TACR3: variants seen among roughly 807,000 people sequenced by gnomAD.
The protein encoded by TACR3 is neuromedin-K receptor.
In TACR3, 34 loss-of-function variants were observed where a neutral mutation model predicts 35.0. That is an observed-to-expected ratio of 0.97 (90% CI 0.74 to 1.30). The LOEUF (loss-of-function observed/expected upper bound fraction) is 1.30. Ranked by LOEUF, TACR3 falls within the 50% of genes most tolerant of loss-of-function variation. The pLI is 0.00. For missense variants in TACR3, 558 were observed against 591.7 expected (o/e 0.94, Z 0.59); for synonymous variants, 233 against 221.1 (o/e 1.05, Z -0.48).
intron 1 of TACR3, among the ~76,000 whole-genome samples, chr4:103,694,776 A>G: frequency 6.6e-6 from 1 of 152,190 alleles, no homozygotes; most frequent in East Asian, 1.9e-4. Flanking sequence ...TGCTATATAA[A>G]TATCATAAAA....
At chr4:103,659,097 G>A (rs1387459389) in intron 1 of TACR3, among the ~76,000 whole-genome samples, 1 of 152,148 alleles carries the variant, frequency 6.6e-6, no homozygotes, top group East Asian at 1.9e-4. Context: ...AGGAGGCGGA[G>A]CTCAGGCAGT....
intron 3 of TACR3, among the ~76,000 whole-genome samples, chr4:103,608,048 A>G (rs2110295708): frequency 6.6e-6 from 1 of 152,208 alleles, no homozygotes; most frequent in Non-Finnish European, 1.5e-5. Context: ...TGTGAATGAA[A>G]TATTATTGGA....
chr4:103,711,844 C>A lies in TACR3; in HGVS notation c.548+7284G>T, dbSNP rs1342407635. 2.0e-5 allele frequency among the ~76,000 whole-genome samples: 3 copies of A among 152,094 alleles called. No individual in the cohort carries two copies. In the East Asian group the frequency reaches 5.8e-4, roughly 29 times the overall value. ...CAAAAATCACAAGCATACTTATACACCAATAACAGACAAACAGAGAGCCAA... is the reference window on the plus strand; with the variant it reads ...CAAAAATCACAAGCATACTTATACAACAATAACAGACAAACAGAGAGCCAA... On this transcript the variant is annotated intron_variant, in intron 1 of 4. Coordinates refer to ENST00000304883, the MANE Select transcript of TACR3 (RefSeq NM_001059.3).
chr4:103,625,173 A>T (rs78612113), intron 3 of TACR3, among the ~76,000 whole-genome samples: 86 of 152,330 alleles, frequency 5.6e-4, no homozygotes, highest in Non-Finnish European at 9.0e-4. Flanking sequence ...TGAAAAAATT[A>T]AAAAAGTTAT....
In TACR3 at chr4:103,646,987, C is replaced by G. The variant is rs141665462; in HGVS notation, c.888+9207G>C. 1.8e-3 allele frequency among the ~76,000 whole-genome samples: 274 copies of G among 151,960 alleles called. 1 individual carries two copies. Among genetic ancestry groups the G allele is most frequent in the African/African-American group, 6.4e-3 (265 of 41,498 alleles). ...TTACCAAATATCCTAAATATGAAATCTGTTAGCCCCTCTACTCATTTCCTC... is the reference window on the plus strand; with the variant it reads ...TTACCAAATATCCTAAATATGAAATGTGTTAGCCCCTCTACTCATTTCCTC... On this transcript the variant is annotated intron_variant, in intron 3 of 4. Coordinates refer to ENST00000304883, the MANE Select transcript of TACR3 (RefSeq NM_001059.3).
At chr4:103,706,828 T>G (rs1350960644) in intron 1 of TACR3, among the ~76,000 whole-genome samples, 1 of 152,192 alleles carries the variant, frequency 6.6e-6, no homozygotes, top group African/African-American at 2.4e-5. Flanking sequence ...GATCAGCAAC[T>G]GGGGACTGGG....
chr4:103,617,460 C>T (rs1012984783), intron 3 of TACR3, among the ~76,000 whole-genome samples: 1 of 152,068 alleles, frequency 6.6e-6, no homozygotes, highest in Non-Finnish European at 1.5e-5. Context: ...AAGACTATAG[C>T]TCTAGAATAA....
intron 1 of TACR3, among the ~76,000 whole-genome samples, chr4:103,701,936 C>G (rs1042112938): frequency 1.3e-5 from 2 of 152,096 alleles, no homozygotes; most frequent in Non-Finnish European, 2.9e-5. Flanking sequence ...AGACCTAAAA[C>G]CATAAAAATC....
chr4:103,689,272 G>T (rs1722342670), intron 1 of TACR3, among the ~76,000 whole-genome samples: 1 of 109,778 alleles, frequency 9.1e-6, no homozygotes, highest in Non-Finnish European at 1.8e-5. Flanking sequence ...AGGGGGGCGG[G>T]ATAGCATTGG....
chr4:103,656,308 G>A lies in TACR3; in HGVS notation c.774C>T (p.Phe258=), dbSNP rs1725733817. ...ATGTAATACCCATGATGAGCAATGG[G>A]AAACAGTACACCAGTATAATGACGA... ...HIIVIILVYC[F]PLLIMGITYT... The change falls in exon 3 of 5, where the codon TTC becomes TTT. Residue 258 remains phenylalanine (F), a synonymous_variant. Coordinates refer to ENST00000304883, the MANE Select transcript of TACR3 (RefSeq NM_001059.3). The A allele has an allele frequency of 2.5e-6, 4 of 1,612,690 alleles. No homozygotes were observed. The highest frequency in any genetic ancestry group is 3.4e-6 in the Non-Finnish European group (4 of 1,179,108).
At chr4:103,621,376 G>A (rs145577244) in intron 3 of TACR3, among the ~76,000 whole-genome samples, 350 of 152,286 alleles carry the variant, frequency 2.3e-3, no homozygotes, top group African/African-American at 7.6e-3. Flanking sequence ...GGGCCAATAT[G>A]TGTTTACAGG....
At position 103,586,605 on chromosome 4, in the gene TACR3, T is replaced by A. The variant is rs1723775838; in HGVS notation, c.*3077A>T. 1 of 152,078 alleles carries A rather than the reference T, an allele frequency of 6.6e-6. No homozygotes were observed. Among genetic ancestry groups the A allele is most frequent in the Non-Finnish European group, 1.5e-5 (1 of 68,000 alleles). 9.4% of individuals were successfully genotyped at this position (152,078 alleles called of 1,614,324 possible). A position where few individuals can be genotyped will look rare whatever the true frequency, so the allele number is the denominator to read the frequency against. On this transcript the variant is annotated 3_prime_UTR_variant, in exon 5 of 5. Transcript: ENST00000304883. ...TTCTTGGTATTCTTTATGTGCTTTG[T>A]AAGGGCGGGGTTCACTCTGAAATTG...
At position 103,719,314 on chromosome 4, in the gene TACR3, T is replaced by C. The variant is rs765333279; in HGVS notation, c.362A>G (p.Asn121Ser). The C allele has an allele frequency of 6.2e-6, 10 of 1,614,078 alleles. No individual in the cohort carries two copies. Among genetic ancestry groups the C allele is most frequent in the African/African-American group, 1.3e-5 (1 of 74,926 alleles). ...GAAAGCCAGGTTCACAAGGAAGTAG[T>C]TGGTGACAGTCCTCATGCGCTTGTG... The part of the protein sequence containing the change: ...LAHKRMRTVT[N>S]YFLVNLAFSD... Residue 121 changes from asparagine to serine, a missense_variant, in exon 1 of 5, where the codon AAC becomes AGC. Physicochemically the swap from Asn to Ser is conservative, Grantham distance 46 (BLOSUM62 1). Coordinates refer to ENST00000304883, the MANE Select transcript of TACR3 (RefSeq NM_001059.3).
intron 1 of TACR3, among the ~76,000 whole-genome samples, chr4:103,708,866 C>T (rs909055384): frequency 5.9e-5 from 9 of 152,136 alleles, no homozygotes; most frequent in Non-Finnish European, 1.2e-4. Context: ...AATGCACAAG[C>T]TTCAGTAGCC....
intron 3 of TACR3, among the ~76,000 whole-genome samples, chr4:103,606,461 G>C (rs1172061639): frequency 2.0e-5 from 3 of 152,162 alleles, no homozygotes; most frequent in Non-Finnish European, 4.4e-5. Flanking sequence ...CCATGAGCAT[G>C]GACTGTTCTT....
intron 3 of TACR3, among the ~76,000 whole-genome samples, chr4:103,606,575 T>C (rs1211517671): frequency 5.9e-5 from 9 of 152,232 alleles, no homozygotes; most frequent in South Asian, 4.1e-4. Flanking sequence ...GTATTTTATT[T>C]TCTTTGAAGC....
intron 3 of TACR3, among the ~76,000 whole-genome samples, chr4:103,636,780 T>C (rs538892533): frequency 1.3e-5 from 2 of 152,066 alleles, no homozygotes; most frequent in Admixed American, 6.6e-5. Flanking sequence ...CACAGAAATA[T>C]AAACTACCAT....
chr4:103,678,568 C>A (rs1726222917), intron 1 of TACR3, among the ~76,000 whole-genome samples: 1 of 152,082 alleles, frequency 6.6e-6, no homozygotes, highest in Non-Finnish European at 1.5e-5. Context: ...AAATCACCTC[C>A]ATTCATTTAT....
chr4:103,606,736 T>G (rs1005199883), intron 3 of TACR3, among the ~76,000 whole-genome samples: 6 of 151,950 alleles, frequency 3.9e-5, no homozygotes, highest in Non-Finnish European at 8.8e-5. Context: ...GACAGTGGGG[T>G]TTTCTAGATA....
Sources: gnomAD v4.1 joint callset for allele counts (sites outside exome capture counted in the v4.1 genomes callset) on GRCh38, gnomAD v4.1.1 for gene constraint, MANE v1.5 for transcripts, NCBI Gene and HGNC (gene_info 2026-07-23, HGNC 2026-07-21) for gene names.